Variants in SHPRH observed in about 807,000 individuals in gnomAD.
The protein encoded by SHPRH is SNF2 histone linker PHD RING helicase, also known as E3 ubiquitin-protein ligase SHPRH.
Under a neutral mutation model 202.5 loss-of-function variants are expected in SHPRH, and 106 were observed. The ratio of observed to expected loss-of-function variants is 0.52; its 90% CI spans 0.45 to 0.62. The LOEUF (loss-of-function observed/expected upper bound fraction) is 0.62. Among genes scored for constraint, SHPRH ranks in the 20% least tolerant of loss-of-function variants. The pLI is 0.00. For missense variants in SHPRH, 1,710 were observed against 2,020.0 expected (o/e 0.85, Z 2.94); for synonymous variants, 729 against 686.0 (o/e 1.06, Z -0.98).
At chr6:145,874,933 C>A (rs1583266324) in intron 2 of SHPRH, among the ~76,000 whole-genome samples, 1 of 152,122 alleles carries the variant, frequency 6.6e-6, no homozygotes, top group Non-Finnish European at 1.5e-5. Context: ...TTAAACATAT[C>A]GATTTTTTTC....
At chr6:145,880,277 T>C (rs1406955185), downstream of SHPRH, among the ~76,000 whole-genome samples, 1 of 152,158 alleles carries the variant, frequency 6.6e-6, no homozygotes, top group Non-Finnish European at 1.5e-5. Flanking sequence ...TTATTTAATA[T>C]TAACATAGGT....
chr6:145,906,957 T>C (rs1455255022), intron 25 of SHPRH: 2 of 152,252 alleles, frequency 1.3e-5, no homozygotes, highest in African/African-American at 2.4e-5. Flanking sequence ...CTGTCCCTAG[T>C]TGCTCCTTCT....
chr6:145,943,699 T>C lies in SHPRH; in HGVS notation c.1682A>G (p.Asp561Gly). ...GGACTTATAATAATAATAGTAAGGA[T>C]CATCATCATCATCAGAGGTGTCTGA... Reference protein sequence around the residue: ...LPSDTSDDDDDPYYYYYKSRR... With the variant: ...LPSDTSDDDDGPYYYYYKSRR... The change falls in exon 9 of 30, where the codon GAT becomes GGT. Residue 561 changes from aspartate to glycine, a missense_variant. Coordinates refer to ENST00000275233, the MANE Select transcript of SHPRH (RefSeq NM_001042683.3). 1.2e-6 allele frequency: 2 copies of C among 1,611,208 alleles called. No individual in the cohort carries two copies. Among genetic ancestry groups the C allele is most frequent in the Non-Finnish European group, 1.7e-6 (2 of 1,177,826 alleles).
chr6:145,866,735 A>C (rs1206639064), intron 2 of SHPRH, among the ~76,000 whole-genome samples: 1 of 152,184 alleles, frequency 6.6e-6, no homozygotes, highest in Admixed American at 6.5e-5. Context: ...GGAGGAGGCC[A>C]CTTATGGAAG....
chr6:145,934,473 T>TAACTA (rs1554239355), intron 13 of SHPRH, among the ~76,000 whole-genome samples: 1 of 131,848 alleles, frequency 7.6e-6, no homozygotes, highest in African/African-American at 3.1e-5. Flanking sequence ...TCTCAAAAAA[T>TAACTA]AAATAAAATA....
chr6:145,931,921 T>C (rs1785499184), intron 14 of SHPRH, among the ~76,000 whole-genome samples: 1 of 150,880 alleles, frequency 6.6e-6, no homozygotes. Flanking sequence ...GGGACTCCAA[T>C]ACATTTATAT....
intron 2 of SHPRH, among the ~76,000 whole-genome samples, chr6:145,864,960 C>G (rs1007933050): frequency 1.3e-5 from 2 of 151,950 alleles, no homozygotes; most frequent in Non-Finnish European, 2.9e-5. Flanking sequence ...CACACACACA[C>G]ACACACACAC....
chr6:145,950,197 C>T (rs116980584), intron 4 of SHPRH, 67 bp downstream of exon 4: 4 of 1,324,476 alleles, frequency 3.0e-6, no homozygotes, highest in Non-Finnish European at 4.3e-6. Context: ...CAATTTCACC[C>T]TGCCCTAATT....
intron 2 of SHPRH, among the ~76,000 whole-genome samples, chr6:145,866,634 A>G (rs566779492): frequency 6.6e-6 from 1 of 152,300 alleles, no homozygotes; most frequent in Admixed American, 6.5e-5. Flanking sequence ...CAGAGGGTTC[A>G]TGTCAGGTGG....
At position 145,955,216 on chromosome 6, in the gene SHPRH, A is replaced by G. The variant is rs917251550; in HGVS notation, c.107T>C (p.Ile36Thr). 2 of 1,613,610 alleles carry G rather than the reference A, an allele frequency of 1.2e-6. No homozygotes were observed. Among genetic ancestry groups the G allele is most frequent in the African/African-American group, 1.3e-5 (1 of 74,890 alleles). The part of the protein sequence containing the change: ...HEDRRNEPII[I>T]SDDDEQPCPG... ...GCAGGGCTGCTCGTCATCATCACTT[A>G]TGATGATAGGTTCATTCCTTCTGTC... Residue 36 changes from isoleucine to threonine, a missense_variant, in exon 2 of 30, where the codon ATA becomes ACA. Ile to Thr is a moderately conservative substitution (Grantham distance 89). Around this residue, in one of 8 missense-constraint regions of SHPRH, gnomAD observed 459 missense variants for 426.5 expected, o/e 1.08. Transcript: ENST00000275233.
At chr6:145,909,923 GA>G (rs1783337314) in intron 25 of SHPRH, 1 of 152,026 alleles carries the variant, frequency 6.6e-6, no homozygotes, top group African/African-American at 2.4e-5. Context: ...ATGAAGCATG[GA>G]AAAAAATTAG....
At chr6:145,861,379 C>A (rs2246132), downstream of SHPRH, among the ~76,000 whole-genome samples, 18 of 151,114 alleles carry the variant, frequency 1.2e-4, no homozygotes, top group African/African-American at 4.4e-4. Flanking sequence ...GAAATGTAAA[C>A]GAAAACTACA....
intron 1 of SHPRH, among the ~76,000 whole-genome samples, chr6:145,960,377 A>T (rs1052793013): frequency 4.6e-5 from 7 of 152,220 alleles, no homozygotes; most frequent in African/African-American, 1.7e-4. Context: ...CACATGGCAA[A>T]GAGCATGGAT....
intron 4 of SHPRH, among the ~76,000 whole-genome samples, chr6:145,948,749 T>A (rs140923980): frequency 1.6e-4 from 24 of 152,196 alleles, no homozygotes; most frequent in African/African-American, 5.5e-4. Flanking sequence ...AGACATATGC[T>A]AGGTGGCTAA....
intron 13 of SHPRH, 164 bp from the exon 14 acceptor site, chr6:145,933,342 T>C: frequency 1.8e-5 from 17 of 954,574 alleles, no homozygotes; most frequent in Non-Finnish European, 2.6e-5. Context: ...TTTTCCCACA[T>C]AAGTACCTTT....
At chr6:145,926,808 T>C (rs1033207496) in intron 15 of SHPRH, among the ~76,000 whole-genome samples, 1 of 151,978 alleles carries the variant, frequency 6.6e-6, no homozygotes, top group African/African-American at 2.4e-5. Context: ...CTCTAAAAAT[T>C]ATCATTAGAT....
chr6:145,910,268 T>A (rs929552767), intron 25 of SHPRH, 180 bp downstream of exon 25: 8 of 617,352 alleles, frequency 1.3e-5, no homozygotes, highest in Non-Finnish European at 2.0e-5. Flanking sequence ...TCTGTGTTCC[T>A]CCTACAATTA....
intron 4 of SHPRH, 56 bp from the exon 5 acceptor site, chr6:145,948,406 T>A: frequency 7.3e-7 from 1 of 1,365,102 alleles, no homozygotes; most frequent in Admixed American, 1.9e-5. Context: ...AGTCAGATAA[T>A]CACATTAAAA....
At chr6:145,902,146 A>C (rs1183390864) in intron 25 of SHPRH, among the ~76,000 whole-genome samples, 1 of 152,144 alleles carries the variant, frequency 6.6e-6, no homozygotes, top group Non-Finnish European at 1.5e-5. Context: ...TCTGGAAAAT[A>C]AAGTACAAAG....
Sources: gnomAD v4.1 joint callset for allele counts (sites outside exome capture counted in the v4.1 genomes callset) on GRCh38, gnomAD v4.1.1 for gene constraint, gnomAD v4.1.1 regional missense constraint, MANE v1.5 for transcripts, NCBI Gene and HGNC (gene_info 2026-07-23, HGNC 2026-07-21) for gene names.